Variants in PML observed in about 807,000 individuals in gnomAD.
The protein encoded by PML is protein PML.
A neutral mutation model predicts 65.2 loss-of-function variants in PML; 28 were observed. That is an observed-to-expected ratio of 0.43 (90% CI 0.32 to 0.59). PML has a LOEUF of 0.59. PML is among the 20% of genes least tolerant of loss of function. The probability of loss-of-function intolerance (pLI) is 0.08; values close to 1 mark genes in which losing one functional copy is unlikely to be tolerated. For missense variants in PML, 1,021 were observed against 1,203.4 expected (o/e 0.85, Z 2.24); for synonymous variants, 500 against 508.8 (o/e 0.98, Z 0.23).
rs571571850 is a variant in PML, at chr15:74,037,529, G to C, written c.1710+2999G>C. The C allele has an allele frequency of 2.0e-6, 2 of 985,272 alleles. No individual in the cohort carries two copies. Among genetic ancestry groups the C allele is most frequent in the Non-Finnish European group, 2.4e-6 (2 of 829,902 alleles). The allele number at this position is 985,272 out of a possible 1,614,324, so 61.0% of individuals were successfully genotyped here. On this transcript the variant is annotated intron_variant, in intron 7 of 8. Transcript: ENST00000268058. The surrounding 1 kb of genome is among the most constrained non-coding windows in gnomAD (Gnocchi z 4.2). Reference sequence around the variant, plus strand: ...CACCCACTTCTCTCTCCAGCTGTCGGCTCCCCTTCCTCTGCTCTCCTTGTT... The same window carrying C: ...CACCCACTTCTCTCTCCAGCTGTCGCCTCCCCTTCCTCTGCTCTCCTTGTT...
At chr15:74,023,511 G>T (rs367920032) in intron 3 of PML, 103 bp downstream of exon 3, 1 of 953,768 alleles carries the variant, frequency 1.0e-6, no homozygotes. Context: ...AGAAAACTGG[G>T]TGTTTATTCA....
At chr15:74,009,111 C>A (rs535980643) in intron 2 of PML, among the ~76,000 whole-genome samples, 2 of 152,280 alleles carry the variant, frequency 1.3e-5, no homozygotes, top group East Asian at 1.9e-4. Context: ...CAGACATTCT[C>A]AGGAGTGCTT....
Position 74,042,422 on chromosome 15 carries a change from AC to A in PML, c.1711-563del. ...GGGGACAAGAAAAGGCAGGCTCCCG[AC>A]CCCTTCCAAAGAATCATCTGGGGTT... On this transcript the variant is annotated intron_variant, in intron 7 of 8. Coordinates refer to ENST00000268058, the MANE Select transcript of PML (RefSeq NM_033238.3). The surrounding 1 kb of genome is among the most constrained non-coding windows in gnomAD (Gnocchi z 5.3). 1 of 985,264 alleles carries A rather than the reference AC, an allele frequency of 1.0e-6. No individual in the cohort carries two copies. The highest frequency in any genetic ancestry group is 1.2e-6 in the Non-Finnish European group (1 of 829,888). 61.0% of individuals were successfully genotyped at this position (985,264 alleles called of 1,614,324 possible).
intron 7 of PML, among the ~76,000 whole-genome samples, chr15:74,040,602 A>G (rs896451706): frequency 5.9e-5 from 9 of 152,206 alleles, no homozygotes; most frequent in Non-Finnish European, 1.0e-4. Flanking sequence ...TCTTGTTTAA[A>G]TGCGTCAGCA....
chr15:74,041,391 C>T (rs2071693083), intron 7 of PML: 3 of 152,308 alleles, frequency 2.0e-5, no homozygotes, highest in African/African-American at 7.2e-5. Context: ...AGGCTCCTTA[C>T]AGGGAGGAAA....
intron 2 of PML, among the ~76,000 whole-genome samples, chr15:74,000,108 G>C (rs1297707253): frequency 2.0e-5 from 3 of 152,030 alleles, no homozygotes; most frequent in Non-Finnish European, 4.4e-5. Flanking sequence ...TGGGATTACA[G>C]GCATGAGCCA....
intron 2 of PML, among the ~76,000 whole-genome samples, chr15:74,016,543 TA>T (rs1459988974): frequency 6.6e-6 from 1 of 151,966 alleles, no homozygotes; most frequent in Non-Finnish European, 1.5e-5. Context: ...GCTTCCTATT[TA>T]AAGTCCAAAC....
At chr15:74,014,300 C>G (rs2070462565) in intron 2 of PML, among the ~76,000 whole-genome samples, 2 of 152,106 alleles carry the variant, frequency 1.3e-5, no homozygotes, top group Admixed American at 1.3e-4. Context: ...TACACCCTTG[C>G]CGCATGCCTA....
chr15:74,033,276 G>A lies in PML; in HGVS notation c.1519G>A (p.Glu507Lys). 6.2e-7 allele frequency: 1 copy of A among 1,614,206 alleles called. No homozygotes were observed. Among genetic ancestry groups the A allele is most frequent in the East Asian group, 2.2e-5 (1 of 44,882 alleles). Residue 507 changes from glutamate to lysine, a missense_variant, in exon 6 of 9, where the codon GAG becomes AAG. Transcript: ENST00000268058. The part of the protein sequence containing the change: ...KEARLARSSP[E>K]QPRPSTSKAV... ...GGCAAGGTTGGCTCGGAGCTCCCCG[G>A]AGCAGCCCAGGCCCAGCACCTCCAA...
At chr15:74,033,874 C>A (rs944573709) in intron 6 of PML, 3 of 454,468 alleles carry the variant, frequency 6.6e-6, no homozygotes, top group African/African-American at 1.9e-5. Flanking sequence ...TCAGAGTTAT[C>A]TTCTATGAAC....
rs1327908477 is a variant in PML, at chr15:74,023,091, A to G, written c.866A>G (p.His289Arg). Reference sequence around the variant, plus strand: ...GAGCGCGTGCGCCAGGTGGTAGCTCACGTGCGGGCTCAGGAGCGCGAGCTG... The same window carrying G: ...GAGCGCGTGCGCCAGGTGGTAGCTCGCGTGCGGGCTCAGGAGCGCGAGCTG... ...IRERVRQVVA[H>R]VRAQERELLE... Residue 289 changes from histidine to arginine, a missense_variant, in exon 3 of 9, where the codon CAC (histidine) becomes CGC (arginine). By Grantham distance (29) the His-to-Arg change is conservative. Transcript: ENST00000268058. The G allele has an allele frequency of 1.2e-6, 2 of 1,603,052 alleles. No individual in the cohort carries two copies. The highest frequency in any genetic ancestry group is 1.1e-5 in the South Asian group (1 of 90,994).
Position 74,044,482 on chromosome 15 carries a change from T to A in PML, c.2123T>A (p.Leu708Gln). 6.2e-7 allele frequency: 1 copy of A among 1,614,036 alleles called. No homozygotes were observed. The highest frequency in any genetic ancestry group is 8.5e-7 in the Non-Finnish European group (1 of 1,179,970). Residue 708 changes from leucine to glutamine, a missense_variant, in exon 9 of 9, where the codon CTG becomes CAG. By Grantham distance (113) the Leu-to-Gln change is moderately radical (BLOSUM62 -2). Transcript: ENST00000268058. The part of the protein sequence containing the change: ...WEFQEAISGF[L>Q]AALPLIRERV... ...TTCCAGGAGGCCATCTCGGGCTTCC[T>A]GGCTGCCCTGCCTCTCATCCGGGAG...
At chr15:74,007,600 T>C (rs10162691) in intron 2 of PML, among the ~76,000 whole-genome samples, 1 of 152,258 alleles carries the variant, frequency 6.6e-6, no homozygotes, top group Non-Finnish European at 1.5e-5. Flanking sequence ...TCTTTGACCC[T>C]GGGCTGATTT....
intron 2 of PML, among the ~76,000 whole-genome samples, chr15:74,001,770 G>A (rs201848508): frequency 7.2e-6 from 1 of 138,402 alleles, no homozygotes; most frequent in Non-Finnish European, 1.6e-5. Context: ...TTCTTAAAAA[G>A]GTTCTCTTGC....
At chr15:74,022,575 T>C (rs985256070) in intron 2 of PML, among the ~76,000 whole-genome samples, 3 of 152,218 alleles carry the variant, frequency 2.0e-5, no homozygotes, top group Non-Finnish European at 2.9e-5. Flanking sequence ...AAAGAGATGA[T>C]TGTCGTTTCG....
chr15:74,001,873 AC>A (rs2141724241), intron 2 of PML, among the ~76,000 whole-genome samples: 1 of 152,212 alleles, frequency 6.6e-6, no homozygotes, highest in South Asian at 2.1e-4. Context: ...GGTCGGTGGT[AC>A]ATGCTTGTAG....
Position 74,023,127 on chromosome 15 carries a change from T to G in PML, c.902T>G (p.Val301Gly). ...RAQERELLEA[V>G]DARYQRDYEE... ...CAGGAGCGCGAGCTGCTGGAGGCTG[T>G]GGACGCGCGGTACCAGCGCGACTAC... Residue 301 changes from valine (V) to glycine (G), a missense_variant, in exon 3 of 9, where the codon GTG (valine) becomes GGG (glycine). Val to Gly is a moderately radical substitution (Grantham distance 109). Coordinates refer to ENST00000268058, the MANE Select transcript of PML (RefSeq NM_033238.3). 1 of 1,604,558 alleles carries G rather than the reference T, an allele frequency of 6.2e-7. No homozygotes were observed. Among genetic ancestry groups the G allele is most frequent in the Non-Finnish European group, 8.5e-7 (1 of 1,178,958 alleles).
At position 74,023,323 on chromosome 15, in the gene PML, C is replaced by T. The variant is rs1307564336; in HGVS notation, c.1098C>T (p.Ser366=). 1.9e-6 allele frequency: 3 copies of T among 1,607,606 alleles called. No homozygotes were observed. The highest frequency in any genetic ancestry group is 2.5e-6 in the Non-Finnish European group (3 of 1,179,834). ...LCRLRQEEPQ[S]LQAAVRTDGF... ...GCCTGCGCCAGGAGGAGCCCCAGAG[C>T]CTGCAAGCTGCCGTGCGCACCGATG... Residue 366 remains serine, a synonymous_variant, in exon 3 of 9, where the codon AGC becomes AGT. Transcript: ENST00000268058.
intron 7 of PML, among the ~76,000 whole-genome samples, chr15:74,040,811 G>A (rs1191582077): frequency 6.6e-6 from 1 of 152,186 alleles, no homozygotes; most frequent in Non-Finnish European, 1.5e-5. Flanking sequence ...GTGGAAAGGG[G>A]GTGTCCTTTT....
Sources: gnomAD v4.1 joint callset for allele counts (sites outside exome capture counted in the v4.1 genomes callset) on GRCh38, gnomAD v4.1.1 for gene constraint, Gnocchi (gnomAD v3.1) non-coding constraint, MANE v1.5 for transcripts, NCBI Gene and HGNC (gene_info 2026-07-23, HGNC 2026-07-21) for gene names.